CES3: variants seen among roughly 807,000 people sequenced by gnomAD.
The protein encoded by CES3 is carboxylesterase 3.
CES3 carries 49 observed loss-of-function variants against 57.6 expected under a neutral mutation model. The ratio of observed to expected loss-of-function variants is 0.85; its 90% CI spans 0.68 to 1.08. The LOEUF (loss-of-function observed/expected upper bound fraction) is 1.08, where lower values mean the gene tolerates loss of function less well. Ranked by LOEUF, CES3 falls within the 50% of genes least tolerant of loss-of-function variation. The pLI is 0.00. For missense variants in CES3, 645 were observed against 742.0 expected (o/e 0.87, Z 1.52); for synonymous variants, 266 against 281.6 (o/e 0.94, Z 0.55).
Position 66,963,630 on chromosome 16 carries a change from G to A in CES3, c.426+1G>A. 1.2e-6 allele frequency: 2 copies of A among 1,614,040 alleles called. No homozygotes were observed. Among genetic ancestry groups the A allele is most frequent in the Non-Finnish European group, 1.7e-6 (2 of 1,180,028 alleles). Reference sequence around the variant, plus strand: ...GGTCCCCGCAGGGTCCGGTAGGCCGGTAGGCACCCCAGAGGGCCCTGTCCA... The same window carrying A: ...GGTCCCCGCAGGGTCCGGTAGGCCGATAGGCACCCCAGAGGGCCCTGTCCA... On this transcript the variant is annotated splice_donor_variant, in intron 3 of 12. Transcript: ENST00000303334. LOFTEE classifies it high-confidence loss of function. This position sits in a 1 kb window ranked among gnomAD's most constrained non-coding sequence, Gnocchi z 4.9.
Position 66,973,040 on chromosome 16 carries a change from G to A in CES3, c.1707G>A (p.Glu569=). 6.2e-7 allele frequency: 1 copy of A among 1,613,698 alleles called. No individual in the cohort carries two copies. Among genetic ancestry groups the A allele is most frequent in the Non-Finnish European group, 8.5e-7 (1 of 1,179,872 alleles). The stretch of plus-strand genomic sequence containing the variant: ...AGCAGAAGAACAGGAAGGCCCAGGA[G>A]GACCTCTGAGGCCAGGCCTGAACCT... ...HQKQKNRKAQ[E]DL is the part of the protein sequence containing the mutation. Residue 569 remains glutamate (E), a synonymous_variant, in exon 13 of 13, where the codon GAG becomes GAA. Transcript: ENST00000303334.
In CES3 at chr16:66,966,245, A is replaced by T. The variant is rs760893859; in HGVS notation, c.821A>T (p.Lys274Ile). The change falls in exon 7 of 13, where the codon AAA (lysine) becomes ATA (isoleucine). Residue 274 changes from lysine to isoleucine, a missense_variant and splice_region_variant. Lys to Ile is a moderately radical substitution (Grantham distance 102, BLOSUM62 -3). Coordinates refer to ENST00000303334, the MANE Select transcript of CES3 (RefSeq NM_024922.6). ...CATGACTCTTTCATTTGTCCCCAGAAAATCGCAAACACCTTGGCCTGCAGC... is the reference window on the plus strand; with the variant it reads ...CATGACTCTTTCATTTGTCCCCAGATAATCGCAAACACCTTGGCCTGCAGC... Reference protein sequence around the residue: ...IDSHPWPLAQKIANTLACSSS... With the variant: ...IDSHPWPLAQIIANTLACSSS... 6.2e-7 allele frequency: 1 copy of T among 1,612,692 alleles called. No individual in the cohort carries two copies. The highest frequency in any genetic ancestry group is 8.5e-7 in the Non-Finnish European group (1 of 1,179,896).
rs1963683224 is a variant in CES3, at chr16:66,963,526, G to A, written c.323G>A (p.Arg108Lys). 6.2e-7 allele frequency: 1 copy of A among 1,614,056 alleles called. No homozygotes were observed. Among genetic ancestry groups the A allele is most frequent in the Non-Finnish European group, 8.5e-7 (1 of 1,180,010 alleles). ...LQDVESMNSS[R>K]FVLNGKQQIF... ...GACGTGGAGAGCATGAACAGCAGCA[G>A]ATTTGTCCTCAACGGAAAACAGCAG... The change falls in exon 3 of 13, where the codon AGA becomes AAA. Residue 108 changes from arginine (R) to lysine (K), a missense_variant. Physicochemically the swap from Arg to Lys is conservative, Grantham distance 26 (BLOSUM62 2). Transcript: ENST00000303334. The surrounding 1 kb of genome is among the most constrained non-coding windows in gnomAD (Gnocchi z 4.9).
At chr16:66,966,433 C>T (rs1045482788) in intron 7 of CES3, 88 bp downstream of exon 7, 3 of 1,352,500 alleles carry the variant, frequency 2.2e-6, no homozygotes, top group Admixed American at 4.0e-5. Flanking sequence ...GCAGTCTACC[C>T]CCAGGTGGGG....
chr16:66,967,145 C>G (rs539005095), intron 8 of CES3, among the ~76,000 whole-genome samples: 1 of 151,886 alleles, frequency 6.6e-6, no homozygotes, highest in Non-Finnish European at 1.5e-5. Context: ...TGCAGTGGTG[C>G]GATCTCAGCT....
chr16:66,966,134 G>C (rs1205831357), intron 6 of CES3, 110 bp from the exon 7 acceptor site: 1 of 948,540 alleles, frequency 1.1e-6, no homozygotes, highest in African/African-American at 1.6e-5. Flanking sequence ...GCCGATCTGT[G>C]ACATCACATC....
chr16:66,971,358 T>A, intron 10 of CES3, 39 bp downstream of exon 10: 2 of 1,596,676 alleles, frequency 1.3e-6, no homozygotes, highest in South Asian at 2.3e-5. Context: ...CCCCTCCCAC[T>A]TGGGCCCAGG....
Position 66,964,444 on chromosome 16 carries a change from CG to C in CES3, c.653del (p.Gly218ValfsTer54). On this transcript the variant is annotated frameshift_variant, in exon 5 of 13. Transcript: ENST00000303334. LOFTEE classifies it high-confidence loss of function. Reference sequence around the variant, plus strand: ...GGGTGCAAGAAAACATCGCCCCCTTCGGGGGTGACCTCAACTGTGTCACTGT... The same window carrying C: ...GGGTGCAAGAAAACATCGCCCCCTTCGGGGTGACCTCAACTGTGTCACTGT... ...RWVQENIAPFGGDLNCVTVFG... is the reference protein window; with the variant it reads ...RWVQENIAPFXGDLNCVTVFG... 1 of 1,614,106 alleles carries C rather than the reference CG, an allele frequency of 6.2e-7. No homozygotes were observed. Among genetic ancestry groups the C allele is most frequent in the Non-Finnish European group, 8.5e-7 (1 of 1,179,996 alleles).
In CES3 at chr16:66,964,632, C is replaced by A. The variant is rs1248865534; in HGVS notation, c.724C>A (p.Pro242Thr). Residue 242 changes from proline to threonine, a missense_variant, in exon 6 of 13, where the codon CCA becomes ACA. Transcript: ENST00000303334. ...GSIISGLVLS[P>T]VAAGLFHRAI... Reference sequence around the variant, plus strand: ...TCTCCAATGCACCCAGGTCCTGTCCCCAGTGGCTGCAGGGCTGTTCCACAG... The same window carrying A: ...TCTCCAATGCACCCAGGTCCTGTCCACAGTGGCTGCAGGGCTGTTCCACAG... 3 of 1,613,974 alleles carry A rather than the reference C, an allele frequency of 1.9e-6. No individual in the cohort carries two copies. The highest frequency in any genetic ancestry group is 2.5e-6 in the Non-Finnish European group (3 of 1,179,926).
intron 4 of CES3, 143 bp from the exon 5 acceptor site, chr16:66,964,213 TG>T: frequency 8.6e-7 from 1 of 1,157,378 alleles, no homozygotes. Flanking sequence ...CAACAGGCTG[TG>T]GAGATGCCAA....
rs71647898 is a variant in CES3, at chr16:66,966,258, C to T, written c.834C>T (p.Thr278=). 2 of 1,613,444 alleles carry T rather than the reference C, an allele frequency of 1.2e-6. No individual in the cohort carries two copies. Among genetic ancestry groups the T allele is most frequent in the African/African-American group, 1.3e-5 (1 of 75,052 alleles). ...PWPLAQKIAN[T]LACSSSSPAE... ...TTTGTCCCCAGAAAATCGCAAACAC[C>T]TTGGCCTGCAGCTCCAGCTCCCCGG... Residue 278 remains threonine, a synonymous_variant, in exon 7 of 13, where the codon ACC becomes ACT. Coordinates refer to ENST00000303334, the MANE Select transcript of CES3 (RefSeq NM_024922.6).
At chr16:66,972,200 C>T (rs1172136303) in intron 10 of CES3, among the ~76,000 whole-genome samples, 156 bp from the exon 11 acceptor site, 2 of 152,158 alleles carry the variant, frequency 1.3e-5, no homozygotes, top group Non-Finnish European at 2.9e-5. Context: ...TGGTGCCTGT[C>T]ACCTAGCAAG....
rs1963728742 is a variant in CES3, at chr16:66,966,286, G to A, written c.862G>A (p.Glu288Lys). The A allele has an allele frequency of 6.2e-7, 1 of 1,613,844 alleles. No homozygotes were observed. The highest frequency in any genetic ancestry group is 2.2e-5 in the East Asian group (1 of 44,886). The stretch of plus-strand genomic sequence containing the variant: ...GGCCTGCAGCTCCAGCTCCCCGGCT[G>A]AGATGGTGCAGTGCCTTCAGCAGAA... The part of the protein sequence containing the change: ...TLACSSSSPA[E>K]MVQCLQQKEG... The change falls in exon 7 of 13, where the codon GAG becomes AAG. Residue 288 changes from glutamate (E) to lysine (K), a missense_variant. Coordinates refer to ENST00000303334, the MANE Select transcript of CES3 (RefSeq NM_024922.6).
At position 66,963,972 on chromosome 16, in the gene CES3, C is replaced by G; in HGVS notation, c.560+37C>G. ...GGCATGGCCAGAGCACTGCCTGCAC[C>G]GGGGAGAGGCCAGCTCACCAGAGCA... On this transcript the variant is annotated intron_variant, in intron 4 of 12. Transcript: ENST00000303334. The surrounding 1 kb of genome is among the most constrained non-coding windows in gnomAD (Gnocchi z 4.9). The G allele has an allele frequency of 6.3e-7, 1 of 1,596,694 alleles. No individual in the cohort carries two copies. Among genetic ancestry groups the G allele is most frequent in the East Asian group, 2.3e-5 (1 of 44,374 alleles).
At chr16:66,965,801 A>G (rs923520226) in intron 6 of CES3, among the ~76,000 whole-genome samples, 14 of 152,106 alleles carry the variant, frequency 9.2e-5, no homozygotes, top group African/African-American at 3.4e-4. Flanking sequence ...TTAGCCGGGC[A>G]TGGTGGCAGG....
intron 1 of CES3, among the ~76,000 whole-genome samples, chr16:66,962,227 G>A (rs576512782): frequency 1.3e-5 from 2 of 152,318 alleles, no homozygotes; most frequent in East Asian, 3.9e-4. Flanking sequence ...GGAGCTGAGA[G>A]CTGTATAAAG....
intron 6 of CES3, among the ~76,000 whole-genome samples, chr16:66,965,292 A>G (rs931018256): frequency 7.9e-5 from 12 of 152,194 alleles, no homozygotes; most frequent in African/African-American, 2.9e-4. Flanking sequence ...AAGTTGGGCA[A>G]TGACAAGGTT....
intron 7 of CES3, 101 bp downstream of exon 7, chr16:66,966,446 G>A (rs1963733490): frequency 2.5e-6 from 3 of 1,200,808 alleles, no homozygotes; most frequent in African/African-American, 1.5e-5. Context: ...AGGTGGGGCT[G>A]GGGACAGCAG....
rs149091298 is a variant in CES3, at chr16:66,972,939, G to C, written c.1606G>C (p.Gly536Arg). Reference sequence around the variant, plus strand: ...GGAGATCAACCCAGTGCCACGGGCCGGACAGAAGTTCAGGGAGGCCTGGAT... The same window carrying C: ...GGAGATCAACCCAGTGCCACGGGCCCGACAGAAGTTCAGGGAGGCCTGGAT... ...YLEINPVPRA[G>R]QKFREAWMQF... The change falls in exon 13 of 13, where the codon GGA becomes CGA. Residue 536 changes from glycine (G) to arginine (R), a missense_variant. Coordinates refer to ENST00000303334, the MANE Select transcript of CES3 (RefSeq NM_024922.6). 1.2e-6 allele frequency: 2 copies of C among 1,614,086 alleles called. No homozygotes were observed. The highest frequency in any genetic ancestry group is 1.1e-5 in the South Asian group (1 of 91,080).
Sources: allele counts gnomAD v4.1 joint callset (sites outside exome capture counted in the v4.1 genomes callset), GRCh38; gene constraint gnomAD v4.1.1; non-coding constraint Gnocchi (gnomAD v3.1); transcripts MANE v1.5; gene names NCBI Gene and HGNC (gene_info 2026-07-23, HGNC 2026-07-21).